The following KCNH1 variants were observed in gnomAD, a reference collection of about 807,000 sequenced individuals.
KCNH1 encodes the protein potassium voltage-gated channel subfamily H member 1, also known as voltage-gated delayed rectifier potassium channel KCNH1.
A neutral mutation model predicts 69.2 loss-of-function variants in KCNH1; 27 were observed. That is an observed-to-expected ratio of 0.39 (90% CI 0.29 to 0.54). The LOEUF is 0.54. Ranked by LOEUF, KCNH1 falls within the 20% of genes least tolerant of loss-of-function variation. KCNH1 has a pLI of 0.68. For missense variants in KCNH1, 798 were observed against 1,261.6 expected (o/e 0.63, Z 5.57); for synonymous variants, 456 against 487.7 (o/e 0.93, Z 0.86).
At chr1:211,069,056 C>T (rs1480878525) in intron 5 of KCNH1, among the ~76,000 whole-genome samples, 1 of 152,170 alleles carries the variant, frequency 6.6e-6, no homozygotes, top group African/African-American at 2.4e-5. Flanking sequence ...TTTATATACA[C>T]CAGAGCATTC....
rs1553377557 is a variant in KCNH1, at chr1:211,078,934, A to AAG, written c.558+3845_558+3846insCT. ...CTCCGTCTCAAAAAAAAAAAAAAAAAAAAGAAAGAAAGAAAGAAATAACTA... is the reference window on the plus strand; with the variant it reads ...CTCCGTCTCAAAAAAAAAAAAAAAAAAGAAAGAAAGAAAGAAAGAAATAACTA... On this transcript the variant is annotated intron_variant, in intron 5 of 10. Transcript: ENST00000271751. Among the ~76,000 whole-genome samples the AAG allele has an allele frequency of 5.1e-3, 726 of 142,284 alleles. 4 individuals carry two copies. Among genetic ancestry groups the AAG allele is most frequent in the African/African-American group, 0.018 (700 of 39,062 alleles). The allele number at this position is 142,284 out of a possible 152,430, so 93.3% of individuals were successfully genotyped here.
intron 7 of KCNH1, among the ~76,000 whole-genome samples, chr1:210,914,220 A>G (rs1687292722): frequency 6.6e-6 from 1 of 152,218 alleles, no homozygotes; most frequent in Non-Finnish European, 1.5e-5. Context: ...CCAAAATGTC[A>G]GGGTCTTCTC....
chr1:211,075,789 C>G, intron 5 of KCNH1, among the ~76,000 whole-genome samples: 1 of 152,260 alleles, frequency 6.6e-6, no homozygotes, highest in African/African-American at 2.4e-5. Flanking sequence ...TTGCCTCACC[C>G]AGGAAGTGCA....
chr1:210,820,498 G>A (rs971533107), intron 7 of KCNH1, among the ~76,000 whole-genome samples: 6 of 152,064 alleles, frequency 3.9e-5, no homozygotes, highest in Admixed American at 3.3e-4. Context: ...GCCAGGCATG[G>A]TGGCACACAC....
intron 10 of KCNH1, among the ~76,000 whole-genome samples, chr1:210,772,536 G>A: frequency 6.6e-6 from 1 of 150,600 alleles, no homozygotes; most frequent in Non-Finnish European, 1.5e-5. Context: ...AAAAAAGAAT[G>A]GCTACCTCTT....
chr1:210,986,360 T>C (rs1314099408), intron 6 of KCNH1, among the ~76,000 whole-genome samples: 1 of 152,254 alleles, frequency 6.6e-6, no homozygotes, highest in Non-Finnish European at 1.5e-5. Context: ...CATTAGTTGA[T>C]GCAACTTCTT....
chr1:210,984,182 A>G (rs1025401575), intron 6 of KCNH1, among the ~76,000 whole-genome samples: 3 of 152,188 alleles, frequency 2.0e-5, no homozygotes, highest in African/African-American at 4.8e-5. Context: ...TGGGAAGACA[A>G]TGGGGTTTTC....
intron 7 of KCNH1, among the ~76,000 whole-genome samples, chr1:210,848,961 A>C (rs1229227603): frequency 1.3e-5 from 2 of 152,218 alleles, no homozygotes; most frequent in East Asian, 3.8e-4. Context: ...AGAAATGTAC[A>C]CAACTAATTA....
chr1:210,738,551 G>GCTTTTTTT (rs1682937477), intron 10 of KCNH1, among the ~76,000 whole-genome samples: 1 of 65,220 alleles, frequency 1.5e-5, no homozygotes, highest in African/African-American at 5.3e-5. Context: ...TGGCTTTTTT[G>GCTTTTTTT]CTTTTTTTTT....
At chr1:210,830,753 T>G (rs1205644986) in intron 7 of KCNH1, among the ~76,000 whole-genome samples, 1 of 152,086 alleles carries the variant, frequency 6.6e-6, no homozygotes, top group Non-Finnish European at 1.5e-5. Context: ...GAACTACAAA[T>G]TTTTCTCTGT....
chr1:210,839,341 T>C (rs1481980679), intron 7 of KCNH1, among the ~76,000 whole-genome samples: 1 of 151,926 alleles, frequency 6.6e-6, no homozygotes, highest in Non-Finnish European at 1.5e-5. Context: ...TTCTCACTTA[T>C]AAGTGGGAGT....
At chr1:210,907,690 A>C (rs1405889877) in intron 7 of KCNH1, among the ~76,000 whole-genome samples, 1 of 152,230 alleles carries the variant, frequency 6.6e-6, no homozygotes, top group African/African-American at 2.4e-5. Context: ...TGGGTGACAC[A>C]GAAGAAGTAA....
chr1:211,082,802 T>C lies in KCNH1; in HGVS notation c.536A>G (p.His179Arg). The change falls in exon 5 of 11, where the codon CAC becomes CGC. Residue 179 changes from histidine (H) to arginine (R), a missense_variant. Physicochemically the swap from His to Arg is conservative, Grantham distance 29 (BLOSUM62 0). This residue lies in a region of KCNH1 where 266 missense variants were observed against 457.2 expected (regional missense o/e 0.58). Coordinates refer to ENST00000271751, the MANE Select transcript of KCNH1 (RefSeq NM_172362.3). ...APSVQKGENVHKHSRLAEVLQ... is the reference protein window; with the variant it reads ...APSVQKGENVRKHSRLAEVLQ... The stretch of plus-strand genomic sequence containing the variant: ...TACCTCTGCCAGGCGGGAGTGCTTG[T>C]GGACATTCTCGCCTTTTTGCACGCT... 2 of 1,614,032 alleles carry C rather than the reference T, an allele frequency of 1.2e-6. No individual in the cohort carries two copies. Among genetic ancestry groups the C allele is most frequent in the Non-Finnish European group, 1.7e-6 (2 of 1,179,910 alleles).
Position 210,804,086 on chromosome 1 carries a change from T to A in KCNH1, c.1543A>T (p.Met515Leu), listed in dbSNP as rs1170746365. 6.2e-7 allele frequency: 1 copy of A among 1,614,078 alleles called. No individual in the cohort carries two copies. Among genetic ancestry groups the A allele is most frequent in the African/African-American group, 1.3e-5 (1 of 74,936 alleles). ...AGGAAGTCCCGAACACTGTTGAGCA[T>A]CTCATGGTATCTGTTGGTGTTGGCA... ...MYANTNRYHE[M>L]LNSVRDFLKL... is the part of the protein sequence containing the mutation. The change falls in exon 8 of 11, where the codon ATG (methionine) becomes TTG (leucine). Residue 515 changes from methionine (M) to leucine (L), a missense_variant. Around this residue, in one of 4 missense-constraint regions of KCNH1, gnomAD observed 197 missense variants for 407.7 expected, o/e 0.48. Coordinates refer to ENST00000271751, the MANE Select transcript of KCNH1 (RefSeq NM_172362.3).
chr1:211,080,312 T>C (rs1690827639), intron 5 of KCNH1, among the ~76,000 whole-genome samples: 1 of 152,012 alleles, frequency 6.6e-6, no homozygotes, highest in South Asian at 2.1e-4. Context: ...CTCGATGAAA[T>C]AAAAGAGGAC....
intron 10 of KCNH1, among the ~76,000 whole-genome samples, chr1:210,729,275 C>T (rs1036340876): frequency 6.6e-6 from 1 of 152,178 alleles, no homozygotes; most frequent in East Asian, 1.9e-4. Flanking sequence ...ATGTCCTTAT[C>T]CCTCCTCCTG....
chr1:210,903,368 T>C (rs899664042), intron 7 of KCNH1, among the ~76,000 whole-genome samples: 3 of 152,234 alleles, frequency 2.0e-5, no homozygotes, highest in East Asian at 3.8e-4. Context: ...GGATAAAATA[T>C]ACTTGTCAAA....
intron 10 of KCNH1, among the ~76,000 whole-genome samples, chr1:210,719,911 C>T (rs1195785226): frequency 2.0e-5 from 3 of 152,116 alleles, no homozygotes; most frequent in Non-Finnish European, 4.4e-5. Flanking sequence ...TGACTCAAGG[C>T]CTGGCCCACT....
chr1:210,835,101 G>T (rs935223763), intron 7 of KCNH1, among the ~76,000 whole-genome samples: 2 of 152,104 alleles, frequency 1.3e-5, no homozygotes, highest in African/African-American at 4.8e-5. Flanking sequence ...AATGCCTTTT[G>T]TTTCTTCTAA....
Sources: gnomAD v4.1 joint callset for allele counts (sites outside exome capture counted in the v4.1 genomes callset) on GRCh38, gnomAD v4.1.1 for gene constraint, gnomAD v4.1.1 regional missense constraint, MANE v1.5 for transcripts, NCBI Gene and HGNC (gene_info 2026-07-23, HGNC 2026-07-21) for gene names.